CACNG3: variants seen among roughly 807,000 people sequenced by gnomAD.
CACNG3 encodes the protein calcium voltage-gated channel auxiliary subunit gamma 3, also known as voltage-dependent calcium channel gamma-3 subunit.
CACNG3 carries 3 observed loss-of-function variants against 28.5 expected under a neutral mutation model. The observed-to-expected ratio is 0.11, with a 90% CI of 0.05 to 0.27. The LOEUF (loss-of-function observed/expected upper bound fraction) is 0.27, where lower values mean the gene tolerates loss of function less well. Among genes scored for constraint, CACNG3 ranks in the 10% least tolerant of loss-of-function variants. The pLI is 1.00. For missense variants in CACNG3, 236 were observed against 414.4 expected (o/e 0.57, Z 3.74); for synonymous variants, 174 against 162.2 (o/e 1.07, Z -0.55).
intron 1 of CACNG3, among the ~76,000 whole-genome samples, chr16:24,339,892 T>C (rs536600690): frequency 3.7e-4 from 56 of 152,326 alleles, no homozygotes; most frequent in African/African-American, 1.3e-3. Context: ...GTTTGACCTT[T>C]AAGAAAAAGT....
intron 1 of CACNG3, among the ~76,000 whole-genome samples, chr16:24,258,190 G>C (rs563733161): frequency 6.6e-6 from 1 of 152,324 alleles, no homozygotes; most frequent in South Asian, 2.1e-4. Flanking sequence ...AATCGCTTGG[G>C]AAATCATGCT....
chr16:24,323,276 A>G (rs1427006420), intron 1 of CACNG3, among the ~76,000 whole-genome samples: 2 of 150,174 alleles, frequency 1.3e-5, no homozygotes, highest in Non-Finnish European at 3.0e-5. Context: ...GGCCTTCCAT[A>G]TGGACATCTT....
intron 1 of CACNG3, among the ~76,000 whole-genome samples, chr16:24,332,464 CAAAA>C (rs397955620): frequency 7.4e-6 from 1 of 135,474 alleles, no homozygotes. Context: ...GACCCTGTCT[CAAAA>C]AAAAAAAAAA....
chr16:24,333,848 G>A (rs1188356460), intron 1 of CACNG3, among the ~76,000 whole-genome samples: 2 of 152,074 alleles, frequency 1.3e-5, no homozygotes, highest in Non-Finnish European at 2.9e-5. Flanking sequence ...CTCTCAAAAA[G>A]AAAGGAAGGG....
chr16:24,288,604 A>G (rs1381914315), intron 1 of CACNG3, among the ~76,000 whole-genome samples: 3 of 152,156 alleles, frequency 2.0e-5, no homozygotes, highest in Non-Finnish European at 2.9e-5. Context: ...TTTCCCCTTC[A>G]TCTTCTGGGC....
rs186015228 is a variant in CACNG3 at position 24,275,839 on chromosome 16, G to A, written c.211+18874G>A. ...ATAACTCAGTGAAACAATACTTTCCGAATGACCAATGAATGATGTTACAAA... is the reference window on the plus strand; with the variant it reads ...ATAACTCAGTGAAACAATACTTTCCAAATGACCAATGAATGATGTTACAAA... On this transcript the variant is annotated intron_variant, in intron 1 of 3. Transcript: ENST00000005284. Among the ~76,000 whole-genome samples the A allele has an allele frequency of 4.7e-3, 722 of 152,268 alleles. 14 individuals are homozygous for A. Among genetic ancestry groups the A allele is most frequent in the Admixed American group, 4.2e-3 (64 of 15,296 alleles).
At chr16:24,267,411 A>T (rs1220270178) in intron 1 of CACNG3, among the ~76,000 whole-genome samples, 1 of 151,972 alleles carries the variant, frequency 6.6e-6, no homozygotes, top group Non-Finnish European at 1.5e-5. Context: ...CCACAGTCCC[A>T]TGAGTAGCTG....
At chr16:24,338,657 A>G (rs1302855821) in intron 1 of CACNG3, among the ~76,000 whole-genome samples, 4 of 152,100 alleles carry the variant, frequency 2.6e-5, no homozygotes, top group Admixed American at 2.6e-4. Flanking sequence ...AGTGTTTTGT[A>G]TCTTTCAAAG....
rs543982199 is a variant in CACNG3, at chr16:24,283,854, C to A, written c.211+26889C>A. On this transcript the variant is annotated intron_variant, in intron 1 of 3. Transcript: ENST00000005284. ...CTCCCTAAGGTGATTCCTGTCTACA[C>A]TCAAGTGAATAACTCCTCCAGGTTT... Among the ~76,000 whole-genome samples the A allele has an allele frequency of 4.6e-5, 7 of 152,256 alleles. 1 individual carries two copies. The highest frequency in any genetic ancestry group is 3.9e-4 in the Admixed American group (6 of 15,290).
intron 1 of CACNG3, among the ~76,000 whole-genome samples, chr16:24,332,016 C>T (rs920081442): frequency 1.3e-5 from 2 of 152,128 alleles, no homozygotes; most frequent in African/African-American, 4.8e-5. Context: ...TTTAGTGATG[C>T]ATTTGTTTCA....
chr16:24,312,534 G>C (rs1899277912), intron 1 of CACNG3, among the ~76,000 whole-genome samples: 1 of 152,104 alleles, frequency 6.6e-6, no homozygotes, highest in African/African-American at 2.4e-5. Context: ...GTATGCTTCT[G>C]GCCAGGCACG....
At chr16:24,294,701 C>T (rs1031717786) in intron 1 of CACNG3, among the ~76,000 whole-genome samples, 1 of 151,918 alleles carries the variant, frequency 6.6e-6, no homozygotes, top group Non-Finnish European at 1.5e-5. Flanking sequence ...GTACCCAGCA[C>T]AAATAAGATA....
Position 24,361,715 on chromosome 16 carries a change from T to A in CACNG3, c.800T>A (p.Leu267His), listed in dbSNP as rs1490519733. The A allele has an allele frequency of 6.2e-7, 1 of 1,612,764 alleles. No homozygotes were observed. The highest frequency in any genetic ancestry group is 2.2e-5 in the East Asian group (1 of 44,812). The change falls in exon 4 of 4, where the codon CTC (leucine) becomes CAC (histidine). Residue 267 changes from leucine to histidine, a missense_variant. Physicochemically the swap from Leu to His is moderately conservative, Grantham distance 99. Coordinates refer to ENST00000005284, the MANE Select transcript of CACNG3 (RefSeq NM_006539.4). This position sits in a 1 kb window ranked among gnomAD's most constrained non-coding sequence, Gnocchi z 6.8. ...IPSTDISMFTLSRDPSKITMG... is the reference protein window; with the variant it reads ...IPSTDISMFTHSRDPSKITMG... ...TCCACTGACATCTCGATGTTCACCC[T>A]CTCCCGGGACCCCTCAAAGATCACC...
At chr16:24,328,901 G>A (rs908085709) in intron 1 of CACNG3, among the ~76,000 whole-genome samples, 1 of 152,022 alleles carries the variant, frequency 6.6e-6, no homozygotes, top group Non-Finnish European at 1.5e-5. Context: ...CTCTCACCCC[G>A]ACTTCATCAC....
intron 1 of CACNG3, among the ~76,000 whole-genome samples, chr16:24,334,558 G>A (rs76749426): frequency 0.01 from 1,537 of 152,270 alleles, 36 homozygotes; most frequent in African/African-American, 0.036. Flanking sequence ...CACTGGAGGG[G>A]GGACATCCTG....
intron 1 of CACNG3, among the ~76,000 whole-genome samples, chr16:24,297,987 CTG>C (rs55859502): frequency 0.22 from 32,917 of 148,812 alleles, 3,806 homozygotes; most frequent in East Asian, 0.39. Context: ...TTCAAAAGAT[CTG>C]TGTGTGTGTG....
intron 1 of CACNG3, among the ~76,000 whole-genome samples, chr16:24,327,813 G>C (rs1385733356): frequency 2.0e-5 from 3 of 151,862 alleles, no homozygotes; most frequent in African/African-American, 4.8e-5. Flanking sequence ...ATAGTGGTGA[G>C]CAACTGTAGT....
chr16:24,358,583 G>A lies in CACNG3; in HGVS notation c.437-2769G>A, dbSNP rs187810224. On this transcript the variant is annotated intron_variant, in intron 3 of 3. Coordinates refer to ENST00000005284, the MANE Select transcript of CACNG3 (RefSeq NM_006539.4). ...CCCTCTTGCTATGAATCAGACTCTG[G>A]GCTGGGAGTTACGGCCATAGCAATG... is the stretch of plus-strand genomic sequence containing the variant. Among the ~76,000 whole-genome samples the A allele has an allele frequency of 2.3e-3, 353 of 152,224 alleles. 4 individuals are homozygous for A. Among genetic ancestry groups the A allele is most frequent in the African/African-American group, 7.8e-3 (322 of 41,528 alleles).
intron 1 of CACNG3, among the ~76,000 whole-genome samples, chr16:24,290,148 AT>A (rs1898947431): frequency 6.6e-6 from 1 of 152,232 alleles, no homozygotes; most frequent in Non-Finnish European, 1.5e-5. Flanking sequence ...CATTTCATAT[AT>A]TTGTGGATTT....
Sources: gnomAD v4.1 joint callset for allele counts (sites outside exome capture counted in the v4.1 genomes callset) on GRCh38, gnomAD v4.1.1 for gene constraint, Gnocchi (gnomAD v3.1) non-coding constraint, MANE v1.5 for transcripts, NCBI Gene and HGNC (gene_info 2026-07-23, HGNC 2026-07-21) for gene names.